The following MIR2052HG variants were observed in gnomAD, a reference collection of about 807,000 sequenced individuals.
The protein encoded by MIR2052HG is MIR2052 host gene.
At chr8:74,651,256 A>C (rs552075281) in intron 2 of MIR2052HG, among the ~76,000 whole-genome samples, 1 of 152,104 alleles carries the variant, frequency 6.6e-6, no homozygotes, top group East Asian at 1.9e-4. Context: ...AAGTTGTCAA[A>C]TTATTGACAA....
At chr8:74,729,049 C>T (rs1014146472) in intron 4 of MIR2052HG, among the ~76,000 whole-genome samples, 1 of 152,102 alleles carries the variant, frequency 6.6e-6, no homozygotes, top group Non-Finnish European at 1.5e-5. Context: ...TTAAAGAACT[C>T]TAAGTTTTAA....
intron 5 of MIR2052HG, among the ~76,000 whole-genome samples, chr8:74,754,971 C>A (rs989126785): frequency 6.6e-6 from 1 of 152,156 alleles, no homozygotes; most frequent in Admixed American, 6.5e-5. Flanking sequence ...CCCAGTACGA[C>A]ATGTTGTGAT....
chr8:74,683,932 G>C (rs909986492), intron 2 of MIR2052HG, among the ~76,000 whole-genome samples: 6 of 151,956 alleles, frequency 3.9e-5, no homozygotes, highest in African/African-American at 1.4e-4. Flanking sequence ...AAGATGTCCT[G>C]GTGGTACCTT....
chr8:74,662,467 G>A (rs1320823162), intron 2 of MIR2052HG, among the ~76,000 whole-genome samples: 1 of 152,002 alleles, frequency 6.6e-6, no homozygotes, highest in Non-Finnish European at 1.5e-5. Flanking sequence ...GAGAGCATTA[G>A]GTCAAATACC....
chr8:74,733,193 C>T (rs1809712223), intron 4 of MIR2052HG, among the ~76,000 whole-genome samples: 1 of 152,078 alleles, frequency 6.6e-6, no homozygotes, highest in Admixed American at 6.6e-5. Context: ...GACTCGTCAT[C>T]TAGCATTAGG....
intron 1 of MIR2052HG, chr8:74,603,668 G>T: frequency 9.3e-7 from 1 of 1,076,788 alleles, no homozygotes; most frequent in South Asian, 1.2e-5. Context: ...GTATAGGCCT[G>T]ACCGCCTGCA....
At chr8:74,702,221 C>A (rs980063743) in intron 2 of MIR2052HG, 122 of 181,594 alleles carry the variant, frequency 6.7e-4, no homozygotes, top group South Asian at 1.7e-4. Flanking sequence ...TTGTCAAATG[C>A]CTTTATAGGA....
chr8:74,662,715 C>T (rs1166581990), intron 2 of MIR2052HG, among the ~76,000 whole-genome samples: 1 of 151,904 alleles, frequency 6.6e-6, no homozygotes, highest in African/African-American at 2.4e-5. Context: ...TGGAAAACAC[C>T]TTAATATCTT....
chr8:74,635,048 G>A (rs1808565277), intron 2 of MIR2052HG, among the ~76,000 whole-genome samples: 2 of 152,190 alleles, frequency 1.3e-5, no homozygotes, highest in Non-Finnish European at 2.9e-5. Flanking sequence ...GACTTATTAG[G>A]ATTTTAGAGA....
At chr8:74,666,966 T>C (rs1047640621) in intron 2 of MIR2052HG, among the ~76,000 whole-genome samples, 4 of 152,198 alleles carry the variant, frequency 2.6e-5, no homozygotes, top group Non-Finnish European at 5.9e-5. Flanking sequence ...GCTGGGCATC[T>C]CTTTTTGGGC....
chr8:74,739,642 A>G (rs1809805904), intron 4 of MIR2052HG, among the ~76,000 whole-genome samples: 1 of 152,190 alleles, frequency 6.6e-6, no homozygotes, highest in Non-Finnish European at 1.5e-5. Context: ...AACACATTTT[A>G]GTTTGGAAAG....
intron 4 of MIR2052HG, among the ~76,000 whole-genome samples, chr8:74,736,983 G>A (rs1809772568): frequency 6.6e-6 from 1 of 152,160 alleles, no homozygotes; most frequent in South Asian, 2.1e-4. Flanking sequence ...AAATTGAAAG[G>A]AAAACCCTGA....
intron 2 of MIR2052HG, among the ~76,000 whole-genome samples, chr8:74,639,976 G>A (rs939699812): frequency 2.0e-5 from 3 of 152,086 alleles, no homozygotes; most frequent in South Asian, 4.1e-4. Context: ...TGGTACTTAC[G>A]TGGGTTTTGC....
intron 4 of MIR2052HG, among the ~76,000 whole-genome samples, chr8:74,739,812 T>C (rs1327088246): frequency 1.3e-5 from 2 of 152,174 alleles, no homozygotes; most frequent in Non-Finnish European, 2.9e-5. Context: ...AAACTCTGTG[T>C]GTGCATGTTT....
intron 2 of MIR2052HG, among the ~76,000 whole-genome samples, chr8:74,645,005 G>C (rs973522855): frequency 6.6e-6 from 1 of 152,178 alleles, no homozygotes; most frequent in African/African-American, 2.4e-5. Flanking sequence ...TTTATTTATA[G>C]AAGTAACAAG....
intron 4 of MIR2052HG, among the ~76,000 whole-genome samples, chr8:74,710,149 G>A (rs1378810056): frequency 6.6e-6 from 1 of 152,036 alleles, no homozygotes; most frequent in East Asian, 1.9e-4. Context: ...CCTGGAATAA[G>A]CAGATTTGAA....
At chr8:74,674,011 T>A (rs188511666) in intron 2 of MIR2052HG, among the ~76,000 whole-genome samples, 2 of 151,030 alleles carry the variant, frequency 1.3e-5, no homozygotes, top group Admixed American at 1.3e-4. Context: ...TGTTTTTTTT[T>A]AAACAAGCAA....
At chr8:74,719,244 T>G (rs1373590778) in intron 4 of MIR2052HG, among the ~76,000 whole-genome samples, 7 of 152,124 alleles carry the variant, frequency 4.6e-5, no homozygotes, top group Admixed American at 4.6e-4. Context: ...GACCCACAAA[T>G]TAAAATACAA....
At chr8:74,646,013 G>A (rs945264644) in intron 2 of MIR2052HG, among the ~76,000 whole-genome samples, 1 of 152,116 alleles carries the variant, frequency 6.6e-6, no homozygotes, top group African/African-American at 2.4e-5. Context: ...TATTTAATGA[G>A]CACCTACTTA....
Sources: allele counts gnomAD v4.1 joint callset (sites outside exome capture counted in the v4.1 genomes callset), GRCh38; gene constraint gnomAD v4.1.1; transcripts MANE v1.5; gene names NCBI Gene and HGNC (gene_info 2026-07-23, HGNC 2026-07-21).